Variants in CDH8 observed in about 807,000 individuals in gnomAD.
CDH8 encodes the protein cadherin 8, also known as cadherin-8.
Under a neutral mutation model 68.1 loss-of-function variants are expected in CDH8, and 17 were observed. That is an observed-to-expected ratio of 0.25 (90% CI 0.17 to 0.37). The LOEUF is 0.37. CDH8 is among the 10% of genes least tolerant of loss of function. The pLI is 1.00. For synonymous variants in CDH8, 372 were observed against 365.1 expected (o/e 1.02, Z -0.21); for missense variants, 763 against 999.3 (o/e 0.76, Z 3.19).
At chr16:61,695,768 T>C (rs1361171156) in intron 10 of CDH8, among the ~76,000 whole-genome samples, 1 of 152,202 alleles carries the variant, frequency 6.6e-6, no homozygotes. Flanking sequence ...ATATTACTCT[T>C]GTCTTAGAAT....
At chr16:61,954,687 C>T (rs137882474) in intron 2 of CDH8, among the ~76,000 whole-genome samples, 5,043 of 131,410 alleles carry the variant, frequency 0.038, 316 homozygotes, top group African/African-American at 0.14. Context: ...GGCAACAGAG[C>T]GAGACTCCAT....
At chr16:61,950,025 C>T (rs747452029) in intron 2 of CDH8, among the ~76,000 whole-genome samples, 15 of 151,854 alleles carry the variant, frequency 9.9e-5, no homozygotes, top group Non-Finnish European at 1.9e-4. Context: ...TGAACCACTG[C>T]ATCACACTGG....
intron 3 of CDH8, among the ~76,000 whole-genome samples, chr16:61,900,721 G>A (rs1963955019): frequency 6.6e-6 from 1 of 152,166 alleles, no homozygotes; most frequent in South Asian, 2.1e-4. Context: ...CCCTAGACAT[G>A]AACCACTAGA....
At chr16:61,666,826 A>G (rs1412868371) in intron 10 of CDH8, among the ~76,000 whole-genome samples, 1 of 152,008 alleles carries the variant, frequency 6.6e-6, no homozygotes, top group African/African-American at 2.4e-5. Context: ...ATTTATAAAA[A>G]CCCAGCAAAG....
intron 7 of CDH8, among the ~76,000 whole-genome samples, chr16:61,810,010 G>A (rs1291242086): frequency 6.6e-6 from 1 of 152,156 alleles, no homozygotes; most frequent in Non-Finnish European, 1.5e-5. Context: ...CGGCATAAAT[G>A]CACTTTTATA....
chr16:61,835,810 T>C (rs1350543336), intron 4 of CDH8, among the ~76,000 whole-genome samples: 1 of 151,986 alleles, frequency 6.6e-6, no homozygotes, highest in Non-Finnish European at 1.5e-5. Flanking sequence ...CAAAATTGGA[T>C]GCTTTCTCCT....
chr16:61,732,537 A>C (rs992536189), intron 8 of CDH8, among the ~76,000 whole-genome samples: 1 of 151,832 alleles, frequency 6.6e-6, no homozygotes, highest in East Asian at 1.9e-4. Context: ...TCTTTCATAA[A>C]TGAAGGTAAA....
chr16:61,826,156 G>A (rs1000489680), intron 4 of CDH8, among the ~76,000 whole-genome samples: 4 of 151,892 alleles, frequency 2.6e-5, no homozygotes, highest in Admixed American at 6.6e-5. Context: ...TCATGATGTA[G>A]GCAGCATTCT....
intron 8 of CDH8, among the ~76,000 whole-genome samples, chr16:61,768,197 C>T (rs988986676): frequency 2.0e-5 from 3 of 151,748 alleles, no homozygotes; most frequent in African/African-American, 7.3e-5. Flanking sequence ...GAGTTAAAGC[C>T]ATGAGGTTAA....
intron 8 of CDH8, among the ~76,000 whole-genome samples, chr16:61,768,320 C>G (rs957406440): frequency 1.9e-5 from 1 of 53,312 alleles, no homozygotes; most frequent in Admixed American, 1.8e-4. Flanking sequence ...CCCTTTCTCT[C>G]TCTCTCTCTC....
chr16:61,849,270 T>C (rs1217331303), intron 4 of CDH8, among the ~76,000 whole-genome samples: 3 of 151,912 alleles, frequency 2.0e-5, no homozygotes, highest in Non-Finnish European at 4.4e-5. Flanking sequence ...GTCTCCCGCC[T>C]GTCTTCTTAC....
intron 2 of CDH8, among the ~76,000 whole-genome samples, chr16:61,980,274 T>C (rs1161881158): frequency 1.3e-5 from 2 of 152,132 alleles, no homozygotes; most frequent in African/African-American, 4.8e-5. Context: ...GGACTACAAA[T>C]TAAATTCAAA....
intron 7 of CDH8, among the ~76,000 whole-genome samples, chr16:61,801,684 C>A (rs908384937): frequency 6.6e-6 from 1 of 152,140 alleles, no homozygotes; most frequent in African/African-American, 2.4e-5. Context: ...GTTCCCTTTC[C>A]GAGTCAAAGA....
At chr16:61,738,322 C>G (rs770187556) in intron 8 of CDH8, among the ~76,000 whole-genome samples, 3 of 152,142 alleles carry the variant, frequency 2.0e-5, no homozygotes, top group Admixed American at 6.6e-5. Context: ...TTATTACATT[C>G]GTCTTCAGTG....
At chr16:61,817,927 T>G (rs1304984619) in intron 6 of CDH8, 195 bp from the exon 7 acceptor site, 2 of 495,812 alleles carry the variant, frequency 4.0e-6, no homozygotes, top group Admixed American at 7.5e-5. Flanking sequence ...TTATATAAGC[T>G]CAGTGAATCT....
At chr16:61,996,860 C>A (rs1269196413) in intron 2 of CDH8, among the ~76,000 whole-genome samples, 1 of 152,178 alleles carries the variant, frequency 6.6e-6, no homozygotes, top group Non-Finnish European at 1.5e-5. Flanking sequence ...GCTGGGATTA[C>A]AGGCATGAAA....
chr16:61,986,489 T>A (rs2150586182), intron 2 of CDH8, among the ~76,000 whole-genome samples: 1 of 152,270 alleles, frequency 6.6e-6, no homozygotes, highest in Non-Finnish European at 1.5e-5. Flanking sequence ...AGGAAATGGC[T>A]GTAAAAGAAA....
At chr16:61,851,420 A>G (rs1478691230) in intron 4 of CDH8, among the ~76,000 whole-genome samples, 1 of 152,102 alleles carries the variant, frequency 6.6e-6, no homozygotes, top group Non-Finnish European at 1.5e-5. Context: ...TGCCTGGAGC[A>G]AAGTTTAGGC....
chr16:61,817,856 C>A, intron 6 of CDH8, 124 bp from the exon 7 acceptor site: 1 of 826,714 alleles, frequency 1.2e-6, no homozygotes, highest in African/African-American at 1.7e-5. Flanking sequence ...TTAATGGGAT[C>A]ACTCTCCAGT....
Sources: gnomAD v4.1 joint callset for allele counts (sites outside exome capture counted in the v4.1 genomes callset) on GRCh38, gnomAD v4.1.1 for gene constraint, MANE v1.5 for transcripts, NCBI Gene and HGNC (gene_info 2026-07-23, HGNC 2026-07-21) for gene names.